COP1: variants seen among roughly 807,000 people sequenced by gnomAD.
COP1 encodes the protein COP1 E3 ubiquitin ligase, also known as E3 ubiquitin-protein ligase COP1.
A neutral mutation model predicts 101.3 loss-of-function variants in COP1; 24 were observed. That is an observed-to-expected ratio of 0.24 (90% CI 0.17 to 0.33). The LOEUF (loss-of-function observed/expected upper bound fraction) is 0.33, where lower values mean the gene tolerates loss of function less well. Ranked by LOEUF, COP1 falls within the 10% of genes least tolerant of loss-of-function variation. COP1 has a pLI of 1.00. For missense variants in COP1, 663 were observed against 906.2 expected (o/e 0.73, Z 3.45); for synonymous variants, 347 against 341.9 (o/e 1.01, Z -0.17).
intron 11 of COP1, among the ~76,000 whole-genome samples, chr1:176,051,595 C>G (rs907260753): frequency 1.1e-4 from 17 of 151,928 alleles, no homozygotes; most frequent in African/African-American, 3.9e-4. Context: ...AAAAAACAAA[C>G]AAACTGTAAA....
In COP1 at chr1:175,996,197, AC is replaced by A. The variant is rs1304900949; in HGVS notation, c.1730-6719del. Among the ~76,000 whole-genome samples the A allele has an allele frequency of 7.2e-5, 11 of 152,282 alleles. No homozygotes were observed. The South Asian group carries it at 1.9e-3, about 26-fold the overall frequency. On this transcript the variant is annotated intron_variant, in intron 15 of 19. Transcript: ENST00000367669. ...AAAAGGCCTTTGACAAAATTCAACAACCCTTTGTGCTAAAAACTCTCAATAA... is the reference window on the plus strand; with the variant it reads ...AAAAGGCCTTTGACAAAATTCAACAACCTTTGTGCTAAAAACTCTCAATAA...
At chr1:176,008,832 T>G (rs1057356827) in intron 15 of COP1, among the ~76,000 whole-genome samples, 1 of 152,136 alleles carries the variant, frequency 6.6e-6, no homozygotes, top group South Asian at 2.1e-4. Context: ...CTTTAATGAG[T>G]TTTTTATTTA....
At chr1:176,181,015 A>G (rs915155163) in intron 2 of COP1, among the ~76,000 whole-genome samples, 4 of 152,248 alleles carry the variant, frequency 2.6e-5, no homozygotes, top group Non-Finnish European at 4.4e-5. Flanking sequence ...CACAAGCTGG[A>G]GGCAGCAAAT....
intron 9 of COP1, among the ~76,000 whole-genome samples, chr1:176,110,359 C>T (rs974301630): frequency 2.6e-5 from 4 of 152,178 alleles, no homozygotes; most frequent in Non-Finnish European, 5.9e-5. Flanking sequence ...ATTTTTATCT[C>T]CCTTGTTCAC....
intron 10 of COP1, among the ~76,000 whole-genome samples, 178 bp from the exon 11 acceptor site, chr1:176,081,465 G>T (rs1360094765): frequency 6.6e-6 from 1 of 151,918 alleles, no homozygotes; most frequent in Non-Finnish European, 1.5e-5. Context: ...AATAAAAAAT[G>T]TCTTGGTTCT....
chr1:176,025,748 GGTGT>G (rs1290273680), intron 15 of COP1, among the ~76,000 whole-genome samples: 1 of 151,950 alleles, frequency 6.6e-6, no homozygotes, highest in Non-Finnish European at 1.5e-5. Context: ...AAATTAGCCA[GGTGT>G]GGTGGTGCAC....
In COP1 at chr1:176,063,675, T is replaced by C. The variant is rs1462956168; in HGVS notation, c.1278-17351A>G. 3.9e-5 allele frequency among the ~76,000 whole-genome samples: 6 copies of C among 152,338 alleles called. No homozygotes were observed. In the East Asian group the frequency reaches 1.2e-3, roughly 29 times the overall value. On this transcript the variant is annotated intron_variant, in intron 11 of 19. Coordinates refer to ENST00000367669, the MANE Select transcript of COP1 (RefSeq NM_022457.7). The stretch of plus-strand genomic sequence containing the variant: ...TAGAAAAACAGCCCTGTTTCAATGT[T>C]AGTATGATATAGCTAAGTTGCCTAA...
rs557726096 is a variant in COP1 at position 176,121,301 on chromosome 1, C to T, written c.969-4620G>A. Among the ~76,000 whole-genome samples the T allele has an allele frequency of 2.0e-5, 3 of 151,454 alleles. No homozygotes were observed. In the South Asian group the frequency reaches 6.3e-4, roughly 32 times the overall value. ...ATTGAGCAACCAAAATTGTTGTGGC[C>T]CCAATTTTGCAGAGACCTCCAGAGA... On this transcript the variant is annotated intron_variant, in intron 8 of 19. Transcript: ENST00000367669.
intron 11 of COP1, among the ~76,000 whole-genome samples, chr1:176,061,246 C>G (rs1674785132): frequency 6.6e-6 from 1 of 152,122 alleles, no homozygotes; most frequent in Admixed American, 6.5e-5. Flanking sequence ...ACAGTCAATT[C>G]ATTTTAAACA....
intron 14 of COP1, among the ~76,000 whole-genome samples, chr1:176,028,082 G>C (rs979590892): frequency 2.6e-5 from 4 of 151,932 alleles, no homozygotes; most frequent in African/African-American, 7.3e-5. Flanking sequence ...TCATTACCAC[G>C]AGAACAGTAT....
In COP1 at chr1:176,043,253, C is replaced by T. The variant is rs1262047173; in HGVS notation, c.1545G>A (p.Arg515=). ...RSKVYQEHEK[R]CWSVDFNLMD... is the part of the protein sequence containing the mutation. ...TCAAATTAAAGTCAACACTCCAACA[C>T]CTCTTCTCATGCTCCTGGAAGCAGA... The change falls in exon 14 of 20, where the codon AGG becomes AGA. Residue 515 remains arginine (R), a synonymous_variant. Transcript: ENST00000367669. 44 of 1,610,482 alleles carry T rather than the reference C, an allele frequency of 2.7e-5. No homozygotes were observed. The highest frequency in any genetic ancestry group is 3.7e-5 in the Non-Finnish European group (44 of 1,176,878).
chr1:175,966,092 G>C (rs1223265457), intron 18 of COP1, among the ~76,000 whole-genome samples: 1 of 152,078 alleles, frequency 6.6e-6, no homozygotes, highest in Non-Finnish European at 1.5e-5. Context: ...TTTTCTTTCA[G>C]TATGTGGTCT....
intron 5 of COP1, 145 bp from the exon 6 acceptor site, chr1:176,149,219 C>T (rs1486817474): frequency 4.2e-5 from 19 of 447,614 alleles, no homozygotes; most frequent in Non-Finnish European, 7.5e-5. Flanking sequence ...TTTTCCCATT[C>T]CATTTGCTAA....
chr1:176,103,254 G>C (rs971647739), intron 9 of COP1, among the ~76,000 whole-genome samples: 1 of 152,168 alleles, frequency 6.6e-6, no homozygotes, highest in African/African-American at 2.4e-5. Flanking sequence ...AAGTGACTTA[G>C]GGTGAGACAC....
chr1:176,177,369 G>T (rs1323752964), intron 2 of COP1, among the ~76,000 whole-genome samples: 1 of 140,654 alleles, frequency 7.1e-6, no homozygotes, highest in Non-Finnish European at 1.6e-5. Context: ...AAAGAAAAAA[G>T]AAAAAAATGT....
chr1:176,073,912 C>G (rs1677469171), intron 11 of COP1, among the ~76,000 whole-genome samples: 1 of 152,186 alleles, frequency 6.6e-6, no homozygotes, highest in Admixed American at 6.5e-5. Flanking sequence ...GCACCAAATT[C>G]AACATTATCT....
chr1:175,973,736 G>A (rs530625031), intron 18 of COP1, among the ~76,000 whole-genome samples: 1 of 152,232 alleles, frequency 6.6e-6, no homozygotes, highest in Admixed American at 6.5e-5. Flanking sequence ...CAATCTAATG[G>A]TATTTATCTA....
intron 11 of COP1, among the ~76,000 whole-genome samples, chr1:176,071,740 C>T (rs919910396): frequency 6.6e-6 from 1 of 152,168 alleles, no homozygotes; most frequent in Non-Finnish European, 1.5e-5. Context: ...TAAAATGTGG[C>T]TTCTAGACGT....
At chr1:176,005,920 C>T (rs1057453539) in intron 15 of COP1, among the ~76,000 whole-genome samples, 2 of 151,976 alleles carry the variant, frequency 1.3e-5, no homozygotes, top group Non-Finnish European at 2.9e-5. Flanking sequence ...CTTTCTGTCT[C>T]GTTGATCTGT....
Sources: allele counts gnomAD v4.1 joint callset (sites outside exome capture counted in the v4.1 genomes callset), GRCh38; gene constraint gnomAD v4.1.1; transcripts MANE v1.5; gene names NCBI Gene and HGNC (gene_info 2026-07-23, HGNC 2026-07-21).